Variants in KYNU observed in about 807,000 individuals in gnomAD.
KYNU encodes the protein L-kynurenine hydrolase.
KYNU carries 54 observed loss-of-function variants against 59.2 expected under a neutral mutation model. The observed-to-expected ratio is 0.91, with a 90% CI of 0.73 to 1.14. The LOEUF (loss-of-function observed/expected upper bound fraction) is 1.14. KYNU is among the 50% of genes most tolerant of loss of function. The probability of loss-of-function intolerance (pLI) is 0.00; values close to 1 mark genes in which losing one functional copy is unlikely to be tolerated. For synonymous variants in KYNU, 177 were observed against 192.0 expected (o/e 0.92, Z 0.65); for missense variants, 567 against 554.4 (o/e 1.02, Z -0.23).
At chr2:142,955,735 C>A (rs1300154011) in intron 5 of KYNU, among the ~76,000 whole-genome samples, 4 of 151,998 alleles carry the variant, frequency 2.6e-5, no homozygotes, top group African/African-American at 9.7e-5. Flanking sequence ...CAATATCACT[C>A]TCTAGGAACT....
At chr2:142,931,731 G>A (rs1260405895) in intron 4 of KYNU, among the ~76,000 whole-genome samples, 1 of 152,124 alleles carries the variant, frequency 6.6e-6, no homozygotes, top group Non-Finnish European at 1.5e-5. Context: ...CGTGAGTTGC[G>A]CTTTAAGTAC....
chr2:142,996,489 C>T (rs1201151152), intron 10 of KYNU, among the ~76,000 whole-genome samples: 1 of 152,062 alleles, frequency 6.6e-6, no homozygotes, highest in Non-Finnish European at 1.5e-5. Flanking sequence ...ATTGGGGATA[C>T]AGGCATGAAT....
chr2:142,922,288 T>C (rs556978747), intron 3 of KYNU, among the ~76,000 whole-genome samples: 2 of 152,230 alleles, frequency 1.3e-5, no homozygotes, highest in East Asian at 3.9e-4. Context: ...ATCACTTGAG[T>C]TCAGGAGTTT....
At chr2:142,988,885 T>A (rs756655624) in intron 10 of KYNU, 1 of 1,608,494 alleles carries the variant, frequency 6.2e-7, no homozygotes, top group Non-Finnish European at 8.5e-7. Flanking sequence ...TGCAACAGAT[T>A]TGGACAAGTC....
At position 143,040,582 on chromosome 2, in the gene KYNU, G is replaced by A. The variant is rs780204087; in HGVS notation, c.1196G>A (p.Arg399Gln). 7.4e-6 allele frequency: 12 copies of A among 1,612,240 alleles called. No homozygotes were observed. Among genetic ancestry groups the A allele is most frequent in the East Asian group, 2.2e-5 (1 of 44,860 alleles). ...NIITPSHVEE[R>Q]GCQLTITFSV... ...ATTACTCCGTCTCATGTAGAGGAGC[G>A]GGGGTGCCAGCTAACAATAACATTT... Residue 399 changes from arginine to glutamine, a missense_variant, in exon 13 of 14, where the codon CGG (arginine) becomes CAG (glutamine). Physicochemically the swap from Arg to Gln is conservative, Grantham distance 43 (BLOSUM62 1). Transcript: ENST00000264170.
intron 8 of KYNU, chr2:142,971,230 A>G (rs527644506): frequency 1.1e-4 from 17 of 152,154 alleles, no homozygotes; most frequent in African/African-American, 4.1e-4. Flanking sequence ...TCGACACAAC[A>G]TCCATGTTTA....
rs555645675 is a variant in KYNU, at chr2:143,046,728, C to T, written c.*4556C>T. 1 of 151,982 alleles carries T rather than the reference C, an allele frequency of 6.6e-6. No individual in the cohort carries two copies. Among genetic ancestry groups the T allele is most frequent in the Non-Finnish European group, 1.5e-5 (1 of 67,992 alleles). 9.4% of individuals were successfully genotyped at this position (151,982 alleles called of 1,614,324 possible). A position where few individuals can be genotyped will look rare whatever the true frequency, so the allele number is the denominator to read the frequency against. ...TCTGCTAGATTAAATCTCTCAGCTT[C>T]TTTTTATTAAGATTGCCCTGAATTG... On this transcript the variant is annotated 3_prime_UTR_variant, in exon 14 of 14. Coordinates refer to ENST00000264170, the MANE Select transcript of KYNU (RefSeq NM_003937.3).
At position 142,902,418 on chromosome 2, in the gene KYNU, G is replaced by A. The variant is rs567318768; in HGVS notation, c.170-16191G>A. Among the ~76,000 whole-genome samples the A allele has an allele frequency of 9.9e-5, 15 of 152,260 alleles. No homozygotes were observed. In the South Asian group the frequency reaches 2.9e-3, roughly 29 times the overall value. ...GCTTTAGGAGTCCATTTTACTAAAT[G>A]GGTATTGGCTTTCTGAGCTTCCTTA... On this transcript the variant is annotated intron_variant, in intron 2 of 13. Transcript: ENST00000264170.
intron 13 of KYNU, among the ~76,000 whole-genome samples, chr2:143,041,369 G>C (rs904736340): frequency 6.6e-6 from 1 of 151,978 alleles, no homozygotes; most frequent in Non-Finnish European, 1.5e-5. Flanking sequence ...ATCAAACTCT[G>C]CTGTCGTCAA....
At chr2:142,910,372 G>A (rs164733) in intron 2 of KYNU, among the ~76,000 whole-genome samples, 3,941 of 151,910 alleles carry the variant, frequency 0.026, 175 homozygotes, top group Admixed American at 0.11. Flanking sequence ...TCCTGACCTC[G>A]TGATCTGCCC....
chr2:142,889,818 A>G (rs2104919568), intron 2 of KYNU, among the ~76,000 whole-genome samples: 1 of 152,292 alleles, frequency 6.6e-6, no homozygotes, highest in East Asian at 1.9e-4. Context: ...GAACAATGAA[A>G]AACAGAACAG....
At chr2:142,906,077 T>A (rs1372487215) in intron 2 of KYNU, among the ~76,000 whole-genome samples, 1 of 150,302 alleles carries the variant, frequency 6.7e-6, no homozygotes, top group Non-Finnish European at 1.5e-5. Context: ...CTCCTCTCTG[T>A]CTCTCTCTCT....
At chr2:142,919,796 G>A (rs991388416) in intron 3 of KYNU, among the ~76,000 whole-genome samples, 7 of 152,126 alleles carry the variant, frequency 4.6e-5, no homozygotes, top group African/African-American at 1.7e-4. Context: ...ATTAGGCCGG[G>A]AATGGTGGCT....
rs1268703385 is a variant in KYNU, at chr2:143,055,713, G to C, written c.*13541G>C. The C allele has an allele frequency of 6.6e-6, 1 of 151,742 alleles. No individual in the cohort carries two copies. Among genetic ancestry groups the C allele is most frequent in the South Asian group, 2.1e-4 (1 of 4,784 alleles). The allele number at this position is 151,742 out of a possible 1,614,324, so 9.4% of individuals were successfully genotyped here. A position where few individuals can be genotyped will look rare whatever the true frequency, so the allele number is the denominator to read the frequency against. On this transcript the variant is annotated 3_prime_UTR_variant, in exon 14 of 14. Transcript: ENST00000264170. ...GGAGGAGAGGAGAGGAGAGGTAGGA[G>C]GGAAGAAGAAAAAAATAGTATGAAA...
At chr2:142,985,371 C>T (rs1207706549) in intron 9 of KYNU, among the ~76,000 whole-genome samples, 189 bp downstream of exon 9, 1 of 151,786 alleles carries the variant, frequency 6.6e-6, no homozygotes, top group Non-Finnish European at 1.5e-5. Flanking sequence ...TCTAGTATTT[C>T]TATCAATATA....
rs139634527 is a variant in KYNU at position 142,985,113 on chromosome 2, T to C, written c.759T>C (p.His253=). The part of the protein sequence containing the change: ...KGCYVGFDLA[H]AVGNVELYLH... ...GTTATGTTGGCTTTGATCTAGCACA[T>C]GCAGTTGGAAATGTTGAACTCTACT... The change falls in exon 9 of 14, where the codon CAT becomes CAC. Residue 253 remains histidine (H), a synonymous_variant. Coordinates refer to ENST00000264170, the MANE Select transcript of KYNU (RefSeq NM_003937.3). 7,398 of 1,610,814 alleles carry C rather than the reference T, an allele frequency of 4.6e-3. 38 individuals carry two copies. Among genetic ancestry groups the C allele is most frequent in the South Asian group, 0.012 (1,098 of 91,036 alleles).
chr2:142,920,291 A>G (rs181426297), intron 3 of KYNU, among the ~76,000 whole-genome samples: 2 of 152,380 alleles, frequency 1.3e-5, no homozygotes, highest in Admixed American at 1.3e-4. Flanking sequence ...AGCAAGTTTT[A>G]GTATTTAATG....
intron 9 of KYNU, 141 bp downstream of exon 9, chr2:142,985,323 C>G: frequency 1.5e-6 from 1 of 678,996 alleles, no homozygotes; most frequent in Non-Finnish European, 2.7e-6. Context: ...TTTTGTTAAT[C>G]GAGTTATATG....
chr2:143,015,088 C>T (rs1052547431), intron 10 of KYNU, among the ~76,000 whole-genome samples: 2 of 152,046 alleles, frequency 1.3e-5, no homozygotes, highest in Non-Finnish European at 2.9e-5. Context: ...GACAGATCTT[C>T]CTATGTTGTG....
Sources: gnomAD v4.1 joint callset for allele counts (sites outside exome capture counted in the v4.1 genomes callset) on GRCh38, gnomAD v4.1.1 for gene constraint, MANE v1.5 for transcripts, NCBI Gene and HGNC (gene_info 2026-07-23, HGNC 2026-07-21) for gene names.